Variants in TRAPPC9 observed in about 807,000 individuals in gnomAD.
TRAPPC9 encodes trafficking protein particle complex subunit 9, also known as IKK2 binding protein.
In TRAPPC9, 83 loss-of-function variants were observed where a neutral mutation model predicts 124.0. That is an observed-to-expected ratio of 0.67 (90% confidence interval 0.56 to 0.80). TRAPPC9 has a LOEUF of 0.80. Ranked by LOEUF, TRAPPC9 falls within the 30% of genes least tolerant of loss-of-function variation. The pLI, the probability that TRAPPC9 is intolerant of heterozygous loss-of-function variation, is 0.00. For synonymous variants in TRAPPC9, 638 were observed against 617.5 expected (o/e 1.03, Z -0.49); for missense variants, 1,302 against 1,508.3 (o/e 0.86, Z 2.27).
At chr8:139,792,040 A>G (rs1822721330) in intron 21 of TRAPPC9, among the ~76,000 whole-genome samples, 1 of 152,192 alleles carries the variant, frequency 6.6e-6, no homozygotes, top group African/African-American at 2.4e-5. Flanking sequence ...TCCCCCAAAT[A>G]AAACAGGCTC....
intron 16 of TRAPPC9, among the ~76,000 whole-genome samples, chr8:140,235,024 G>A (rs951388317): frequency 2.0e-5 from 3 of 152,090 alleles, no homozygotes; most frequent in African/African-American, 7.2e-5. Flanking sequence ...AGGAGGGAGT[G>A]CAATGGCACA....
At chr8:140,439,267 C>T in intron 2 of TRAPPC9, 70 bp from the exon 3 acceptor site, 17 of 1,539,896 alleles carry the variant, frequency 1.1e-5, no homozygotes, top group Non-Finnish European at 1.4e-5. Flanking sequence ...TGACTAAGCA[C>T]TATTCAATTC....
intron 21 of TRAPPC9, among the ~76,000 whole-genome samples, chr8:139,783,876 TAAAAA>T (rs559997326): frequency 2.0e-5 from 3 of 152,096 alleles, no homozygotes; most frequent in African/African-American, 7.2e-5. Context: ...TATTAACAAA[TAAAAA>T]AAGAGAAACC....
chr8:140,141,306 G>T (rs7011960), intron 17 of TRAPPC9, among the ~76,000 whole-genome samples: 6,267 of 152,196 alleles, frequency 0.041, 435 homozygotes, highest in African/African-American at 0.14. Flanking sequence ...ATCTCTCACC[G>T]CCCTGCTCTC....
intron 19 of TRAPPC9, among the ~76,000 whole-genome samples, chr8:139,910,675 C>A (rs1183772354): frequency 6.6e-6 from 1 of 152,282 alleles, no homozygotes; most frequent in South Asian, 2.1e-4. Flanking sequence ...ATTATTTAAC[C>A]CTGGGGATCC....
At chr8:140,090,548 C>T (rs1456089369) in intron 17 of TRAPPC9, among the ~76,000 whole-genome samples, 1 of 152,224 alleles carries the variant, frequency 6.6e-6, no homozygotes, top group Admixed American at 6.5e-5. Flanking sequence ...TCCAGGTCAC[C>T]CGGGAGACCA....
chr8:140,272,874 C>T (rs545853106), intron 15 of TRAPPC9, among the ~76,000 whole-genome samples: 4 of 150,328 alleles, frequency 2.7e-5, no homozygotes, highest in Non-Finnish European at 5.9e-5. Flanking sequence ...CCCCACCAGA[C>T]CCCCCTCCAA....
chr8:140,125,740 G>A (rs1377353278), intron 17 of TRAPPC9, among the ~76,000 whole-genome samples: 1 of 151,696 alleles, frequency 6.6e-6, no homozygotes, highest in African/African-American at 2.4e-5. Context: ...GATTACAGGT[G>A]CGTGCCACCA....
At chr8:140,228,663 G>A (rs111545477) in intron 16 of TRAPPC9, among the ~76,000 whole-genome samples, 2,666 of 152,282 alleles carry the variant, frequency 0.018, 68 homozygotes, top group African/African-American at 0.061. Context: ...CCATGTACAG[G>A]AGGCTGTAAC....
Position 140,292,685 on chromosome 8 carries a change from C to T in TRAPPC9, c.1769-1607G>A, listed in dbSNP as rs542370286. On this transcript the variant is annotated intron_variant, in intron 11 of 22. Coordinates refer to ENST00000438773, the MANE Select transcript of TRAPPC9 (RefSeq NM_001160372.4). ...ATATGTAGAAAGCTGAAACTGGATC[C>T]CTTCCTTACACCTTATACAAAAATT... 3.3e-3 allele frequency among the ~76,000 whole-genome samples: 492 copies of T among 149,416 alleles called. 1 individual carries two copies. The highest frequency in any genetic ancestry group is 6.5e-3 in the South Asian group (30 of 4,636).
At chr8:140,240,147 C>T (rs1394390534) in intron 16 of TRAPPC9, among the ~76,000 whole-genome samples, 3 of 151,802 alleles carry the variant, frequency 2.0e-5, no homozygotes, top group Non-Finnish European at 4.4e-5. Flanking sequence ...TTTTTTTCAC[C>T]CTAGTCTCCA....
At chr8:140,045,344 G>A (rs766828680) in intron 17 of TRAPPC9, among the ~76,000 whole-genome samples, 2 of 152,296 alleles carry the variant, frequency 1.3e-5, no homozygotes, top group East Asian at 1.9e-4. Flanking sequence ...ACCCAAGTCC[G>A]GCCAGGTGCG....
intron 19 of TRAPPC9, among the ~76,000 whole-genome samples, chr8:139,957,720 G>A (rs559723406): frequency 1.3e-5 from 2 of 152,110 alleles, no homozygotes; most frequent in Non-Finnish European, 2.9e-5. Flanking sequence ...AGCCACAGCC[G>A]CAGGGGTGGC....
At chr8:139,834,652 C>A in intron 21 of TRAPPC9, among the ~76,000 whole-genome samples, 1 of 152,226 alleles carries the variant, frequency 6.6e-6, no homozygotes, top group East Asian at 1.9e-4. Flanking sequence ...GAGAGTGTGG[C>A]TTATCCATGG....
chr8:140,156,533 C>T (rs1028070414), intron 17 of TRAPPC9, among the ~76,000 whole-genome samples: 37 of 152,090 alleles, frequency 2.4e-4, no homozygotes, highest in African/African-American at 7.2e-4. Context: ...AGAGAAAGAC[C>T]ACATGATTCC....
At chr8:140,069,224 A>G (rs1345333418) in intron 17 of TRAPPC9, among the ~76,000 whole-genome samples, 1 of 152,220 alleles carries the variant, frequency 6.6e-6, no homozygotes, top group Admixed American at 6.5e-5. Flanking sequence ...CTATTCTCTC[A>G]CCACTGAGTG....
intron 16 of TRAPPC9, among the ~76,000 whole-genome samples, chr8:140,249,597 CTTTTTTTTTTTTT>C (rs35511380): frequency 1.2e-5 from 1 of 81,962 alleles, no homozygotes; most frequent in Admixed American, 1.7e-4. Flanking sequence ...ATCTTTCACT[CTTTTTTTTTTTTT>C]TTTTTTTTTT....
intron 9 of TRAPPC9, among the ~76,000 whole-genome samples, chr8:140,341,824 C>T (rs1312070509): frequency 2.6e-5 from 4 of 152,186 alleles, no homozygotes; most frequent in East Asian, 1.9e-4. Context: ...ACTCACAGTA[C>T]GTGTGTGTAG....
intron 17 of TRAPPC9, among the ~76,000 whole-genome samples, chr8:140,217,519 G>A (rs973562224): frequency 2.0e-5 from 3 of 152,130 alleles, no homozygotes; most frequent in Admixed American, 6.5e-5. Context: ...CCTTTCCCAC[G>A]AAAGATTCTA....
Sources: allele counts gnomAD v4.1 joint callset (sites outside exome capture counted in the v4.1 genomes callset), GRCh38; gene constraint gnomAD v4.1.1; transcripts MANE v1.5; gene names NCBI Gene and HGNC (gene_info 2026-07-23, HGNC 2026-07-21).